Variants in WDPCP observed in about 807,000 individuals in gnomAD.
The protein encoded by WDPCP is WD repeat-containing and planar cell polarity effector protein fritz homolog.
WDPCP carries 71 observed loss-of-function variants against 93.1 expected under a neutral mutation model. The ratio of observed to expected loss-of-function variants is 0.76; its 90% CI spans 0.63 to 0.93. The LOEUF (loss-of-function observed/expected upper bound fraction) is 0.93, where lower values mean the gene tolerates loss of function less well. WDPCP is among the 40% of genes least tolerant of loss of function. The pLI, the probability that WDPCP is intolerant of heterozygous loss-of-function variation, is 0.00. For synonymous variants in WDPCP, 315 were observed against 315.0 expected (o/e 1.00, Z 0.00); for missense variants, 844 against 887.4 (o/e 0.95, Z 0.62).
At chr2:63,173,741 T>C (rs552796959) in intron 15 of WDPCP, among the ~76,000 whole-genome samples, 42 of 152,354 alleles carry the variant, frequency 2.8e-4, no homozygotes, top group African/African-American at 1.0e-3. Flanking sequence ...GATTTGCTGA[T>C]ATCCAAATAA....
chr2:63,791,537 A>G (rs1670546323), intron 2 of WDPCP, among the ~76,000 whole-genome samples: 1 of 152,166 alleles, frequency 6.6e-6, no homozygotes, highest in Admixed American at 6.5e-5. Context: ...AAAGCCATGG[A>G]AATGGTGCTT....
intron 14 of WDPCP, among the ~76,000 whole-genome samples, chr2:63,214,204 A>C (rs1677103440): frequency 6.6e-6 from 1 of 152,230 alleles, no homozygotes; most frequent in Admixed American, 6.5e-5. Context: ...CATGATGAAC[A>C]TTGATGCAAA....
chr2:63,693,989 C>T (rs1440234338), intron 2 of WDPCP, among the ~76,000 whole-genome samples: 1 of 151,994 alleles, frequency 6.6e-6, no homozygotes, highest in Admixed American at 6.6e-5. Flanking sequence ...TGTTTTCTAC[C>T]TTATTTATAA....
chr2:63,683,999 G>T (rs1668769250), intron 2 of WDPCP, among the ~76,000 whole-genome samples: 1 of 152,158 alleles, frequency 6.6e-6, no homozygotes. Flanking sequence ...TAAAGAGAGA[G>T]ATTAACCCTA....
rs1669562394 is a variant in WDPCP at position 63,121,776 on chromosome 2, T to G, written c.*230A>C. ...AGACACTTTCAAAATTTTACATTAT[T>G]GAAAATAAGTAGGTTGAAGACTTTT... is the stretch of plus-strand genomic sequence containing the variant. On this transcript the variant is annotated 3_prime_UTR_variant, in exon 18 of 18. Transcript: ENST00000272321. 4 of 1,128,968 alleles carry G rather than the reference T, an allele frequency of 3.5e-6. No individual in the cohort carries two copies. The highest frequency in any genetic ancestry group is 4.7e-6 in the Non-Finnish European group (4 of 847,808). The allele number at this position is 1,128,968 out of a possible 1,614,324, so 69.9% of individuals were successfully genotyped here.
At chr2:63,210,353 T>C (rs1676675339) in intron 14 of WDPCP, among the ~76,000 whole-genome samples, 1 of 152,136 alleles carries the variant, frequency 6.6e-6, no homozygotes, top group African/African-American at 2.4e-5. Context: ...AATTAAAAGT[T>C]TCACAGATTA....
intron 14 of WDPCP, among the ~76,000 whole-genome samples, chr2:63,254,483 G>GTACTT (rs1200123030): frequency 2.6e-5 from 4 of 152,042 alleles, no homozygotes; most frequent in Non-Finnish European, 5.9e-5. Flanking sequence ...GTTTGTCACA[G>GTACTT]TACTTAACAT....
chr2:63,425,000 C>G (rs767079500), intron 9 of WDPCP, among the ~76,000 whole-genome samples: 11 of 152,156 alleles, frequency 7.2e-5, no homozygotes, highest in Non-Finnish European at 1.2e-4. Context: ...ATCTGCCAGT[C>G]ATTACTCTTA....
intron 2 of WDPCP, among the ~76,000 whole-genome samples, chr2:63,655,811 T>C (rs1236097657): frequency 6.6e-6 from 1 of 152,228 alleles, no homozygotes. Flanking sequence ...TCCCCATTAA[T>C]ACATGAAGAA....
chr2:63,496,817 G>C (rs1428805224), intron 1 of WDPCP, among the ~76,000 whole-genome samples: 1 of 152,050 alleles, frequency 6.6e-6, no homozygotes, highest in African/African-American at 2.4e-5. Flanking sequence ...TATCATATAA[G>C]GATGGGGAAG....
chr2:63,591,867 C>A (rs560005836), upstream of WDPCP, among the ~76,000 whole-genome samples: 16 of 152,308 alleles, frequency 1.1e-4, no homozygotes, highest in South Asian at 1.0e-3. Flanking sequence ...TGTGTTAACT[C>A]TTTTAATCCT....
At chr2:63,574,889 AT>A (rs2106496464) in intron 1 of WDPCP, among the ~76,000 whole-genome samples, 1 of 152,306 alleles carries the variant, frequency 6.6e-6, no homozygotes, top group East Asian at 1.9e-4. Flanking sequence ...CTCAGTGGAT[AT>A]TCATCAGTTT....
intron 10 of WDPCP, among the ~76,000 whole-genome samples, chr2:63,403,314 C>T (rs1367226325): frequency 1.3e-5 from 2 of 151,970 alleles, no homozygotes; most frequent in African/African-American, 2.4e-5. Flanking sequence ...GAAAAGATAA[C>T]TATTGGGTAC....
intron 1 of WDPCP, among the ~76,000 whole-genome samples, chr2:63,534,038 G>T (rs984738733): frequency 6.6e-6 from 1 of 151,922 alleles, no homozygotes; most frequent in South Asian, 2.1e-4. Flanking sequence ...TCTCACCACC[G>T]ATCCCACAGA....
At chr2:63,180,351 C>A (rs1674148869) in intron 14 of WDPCP, among the ~76,000 whole-genome samples, 1 of 152,162 alleles carries the variant, frequency 6.6e-6, no homozygotes, top group South Asian at 2.1e-4. Context: ...CCACCTCCTA[C>A]ACTACTGAAT....
At chr2:63,666,706 C>T (rs1174152742) in intron 2 of WDPCP, among the ~76,000 whole-genome samples, 1 of 152,164 alleles carries the variant, frequency 6.6e-6, no homozygotes, top group African/African-American at 2.4e-5. Context: ...GCATTTTTCA[C>T]TTCCTTCTCT....
chr2:63,512,871 C>T (rs922175605), intron 1 of WDPCP, among the ~76,000 whole-genome samples: 1 of 151,458 alleles, frequency 6.6e-6, no homozygotes, highest in South Asian at 2.1e-4. Context: ...GCACATGTAT[C>T]CCAGAACTTA....
chr2:63,571,405 A>T (rs1225212515), intron 1 of WDPCP: 6 of 464,394 alleles, frequency 1.3e-5, no homozygotes, highest in African/African-American at 1.2e-4. Context: ...CCTCAGATCC[A>T]AGTTTCCATC....
At chr2:63,327,777 T>C (rs1269723523) in intron 12 of WDPCP, among the ~76,000 whole-genome samples, 1 of 152,212 alleles carries the variant, frequency 6.6e-6, no homozygotes, top group Non-Finnish European at 1.5e-5. Context: ...CGGGGCCCTG[T>C]ATTTTTAACC....
Sources: gnomAD v4.1 joint callset for allele counts (sites outside exome capture counted in the v4.1 genomes callset) on GRCh38, gnomAD v4.1.1 for gene constraint, MANE v1.5 for transcripts, NCBI Gene and HGNC (gene_info 2026-07-23, HGNC 2026-07-21) for gene names.